Variants in CDKAL1 observed in about 807,000 individuals in gnomAD.
CDKAL1 encodes the protein threonylcarbamoyladenosine tRNA methylthiotransferase.
A neutral mutation model predicts 68.2 loss-of-function variants in CDKAL1; 32 were observed. That is an observed-to-expected ratio of 0.47 (90% CI 0.35 to 0.63). The LOEUF is 0.63. Among genes scored for constraint, CDKAL1 ranks in the 30% least tolerant of loss-of-function variants. The pLI is 0.00. For synonymous variants in CDKAL1, 234 were observed against 244.3 expected (o/e 0.96, Z 0.39); for missense variants, 606 against 696.7 (o/e 0.87, Z 1.47).
intron 9 of CDKAL1, among the ~76,000 whole-genome samples, chr6:20,901,473 G>A (rs2150598941): frequency 6.6e-6 from 1 of 151,470 alleles, no homozygotes; most frequent in South Asian, 2.1e-4. Context: ...AGGAGATCAA[G>A]ACCATCCTGG....
chr6:20,928,072 G>T (rs760839605), intron 9 of CDKAL1, among the ~76,000 whole-genome samples: 7 of 152,036 alleles, frequency 4.6e-5, no homozygotes, highest in Non-Finnish European at 8.8e-5. Context: ...TTAATGTTTG[G>T]TGAGAGCTCT....
intron 15 of CDKAL1, among the ~76,000 whole-genome samples, chr6:21,213,361 G>A (rs1184699821): frequency 2.6e-5 from 4 of 152,172 alleles, no homozygotes; most frequent in Non-Finnish European, 5.9e-5. Context: ...TTGGGGCCTG[G>A]TTGATCAAGA....
At chr6:20,744,369 G>A (rs1773578588) in intron 6 of CDKAL1, among the ~76,000 whole-genome samples, 6 of 152,090 alleles carry the variant, frequency 3.9e-5, no homozygotes, top group Admixed American at 3.9e-4. Flanking sequence ...TTATTTATTT[G>A]GTTCAGCAAG....
At chr6:20,973,580 A>G (rs1765696888) in intron 10 of CDKAL1, among the ~76,000 whole-genome samples, 1 of 152,132 alleles carries the variant, frequency 6.6e-6, no homozygotes, top group Non-Finnish European at 1.5e-5. Context: ...GTGATCCAAC[A>G]TAGGATCATA....
At chr6:20,626,162 G>A (rs1767423537) in intron 4 of CDKAL1, among the ~76,000 whole-genome samples, 3 of 152,042 alleles carry the variant, frequency 2.0e-5, no homozygotes, top group Admixed American at 2.0e-4. Context: ...TTGTTCAGAA[G>A]CCCTCTTCCT....
intron 5 of CDKAL1, among the ~76,000 whole-genome samples, chr6:20,721,247 T>G (rs1772343301): frequency 6.6e-6 from 1 of 152,130 alleles, no homozygotes. Flanking sequence ...TTGCTAAGAA[T>G]GATGGTTTGC....
At chr6:20,806,324 T>C (rs1289576098) in intron 8 of CDKAL1, among the ~76,000 whole-genome samples, 1 of 152,212 alleles carries the variant, frequency 6.6e-6, no homozygotes, top group Admixed American at 6.5e-5. Flanking sequence ...ATGAACTTAT[T>C]CTTTTTATGG....
At chr6:20,535,805 C>T (rs1763144206) in intron 2 of CDKAL1, among the ~76,000 whole-genome samples, 1 of 152,178 alleles carries the variant, frequency 6.6e-6, no homozygotes, top group Admixed American at 6.5e-5. Flanking sequence ...ACATGCCTGT[C>T]AACAGTTATT....
At chr6:20,965,391 G>A (rs1243840979) in intron 10 of CDKAL1, among the ~76,000 whole-genome samples, 1 of 136,628 alleles carries the variant, frequency 7.3e-6, no homozygotes, top group East Asian at 2.2e-4. Context: ...ACTGCACTCT[G>A]GTCTGAGCAT....
At chr6:20,987,336 G>T (rs967347258) in intron 10 of CDKAL1, among the ~76,000 whole-genome samples, 1 of 149,376 alleles carries the variant, frequency 6.7e-6, no homozygotes, top group African/African-American at 2.5e-5. Flanking sequence ...TCAGCTCACT[G>T]CAACCTCTGC....
intron 15 of CDKAL1, among the ~76,000 whole-genome samples, chr6:21,213,759 A>T (rs545367298): frequency 6.6e-6 from 1 of 152,314 alleles, no homozygotes; most frequent in Non-Finnish European, 1.5e-5. Flanking sequence ...TTCTACCCTG[A>T]ATATAAACCA....
chr6:20,641,866 T>C (rs1239417123), intron 4 of CDKAL1, among the ~76,000 whole-genome samples: 1 of 152,126 alleles, frequency 6.6e-6, no homozygotes, highest in Non-Finnish European at 1.5e-5. Flanking sequence ...GGGTATGTGA[T>C]GTAAGTATCC....
intron 11 of CDKAL1, among the ~76,000 whole-genome samples, chr6:21,015,837 A>G (rs1768296296): frequency 6.6e-6 from 1 of 151,426 alleles, no homozygotes; most frequent in Admixed American, 6.6e-5. Context: ...AATCCCAGCT[A>G]CTCAGGAGGC....
chr6:20,864,407 A>G (rs1183356786), intron 9 of CDKAL1, among the ~76,000 whole-genome samples: 10 of 152,076 alleles, frequency 6.6e-5, no homozygotes, highest in African/African-American at 2.4e-4. Context: ...CCTAATTGTT[A>G]TTACTATTAT....
intron 5 of CDKAL1, among the ~76,000 whole-genome samples, chr6:20,734,313 A>G (rs1261359917): frequency 6.6e-6 from 1 of 152,134 alleles, no homozygotes; most frequent in Non-Finnish European, 1.5e-5. Flanking sequence ...TGTTTCAAGA[A>G]AAAATGACCC....
At chr6:20,764,879 G>C (rs1288296361) in intron 7 of CDKAL1, among the ~76,000 whole-genome samples, 3 of 152,138 alleles carry the variant, frequency 2.0e-5, no homozygotes, top group African/African-American at 4.8e-5. Flanking sequence ...TGTAATCTCT[G>C]ATACAGTTAG....
At chr6:20,866,318 A>C (rs1759906308) in intron 9 of CDKAL1, among the ~76,000 whole-genome samples, 1 of 152,200 alleles carries the variant, frequency 6.6e-6, no homozygotes, top group South Asian at 2.1e-4. Context: ...AAATATTTAC[A>C]AAAGGCCCAA....
chr6:20,554,673 A>G (rs1192258769), intron 4 of CDKAL1, among the ~76,000 whole-genome samples: 1 of 152,182 alleles, frequency 6.6e-6, no homozygotes, highest in African/African-American at 2.4e-5. Flanking sequence ...TCCTTACACA[A>G]TTTTGTTAAG....
At chr6:20,806,932 G>A (rs1776596377) in intron 8 of CDKAL1, among the ~76,000 whole-genome samples, 1 of 152,208 alleles carries the variant, frequency 6.6e-6, no homozygotes, top group Admixed American at 6.5e-5. Flanking sequence ...ACAAGTCTTA[G>A]ATTTACAAAT....
Sources: allele counts gnomAD v4.1 joint callset (sites outside exome capture counted in the v4.1 genomes callset), GRCh38; gene constraint gnomAD v4.1.1; transcripts MANE v1.5; gene names NCBI Gene and HGNC (gene_info 2026-07-23, HGNC 2026-07-21).